The following NAA50 variants were observed in gnomAD, a reference collection of about 807,000 sequenced individuals.
NAA50 encodes the protein N-alpha-acetyltransferase 50, NatE catalytic subunit, also known as N-alpha-acetyltransferase 50.
NAA50 carries 7 observed loss-of-function variants against 20.7 expected under a neutral mutation model. That is an observed-to-expected ratio of 0.34 (90% CI 0.19 to 0.63). NAA50 has a LOEUF of 0.63. NAA50 is among the 30% of genes least tolerant of loss of function. The pLI, the probability that NAA50 is intolerant of heterozygous loss-of-function variation, is 0.75. For synonymous variants in NAA50, 54 were observed against 70.6 expected (o/e 0.77, Z 1.18); for missense variants, 111 against 199.1 (o/e 0.56, Z 2.66).
rs570467490 is a variant in NAA50, at chr3:113,739,215, T to C, written c.8+6727A>G. Among the ~76,000 whole-genome samples, 7 of 152,358 alleles carry C rather than the reference T, an allele frequency of 4.6e-5. No homozygotes were observed. In the South Asian group the frequency reaches 1.2e-3, roughly 27 times the overall value. On this transcript the variant is annotated intron_variant, in intron 1 of 4. Transcript: ENST00000240922. Reference sequence around the variant, plus strand: ...TTTCTATCATTTTAATGTATTTAAATGTATTGAACGCATCGCAAAGAAAAT... The same window carrying C: ...TTTCTATCATTTTAATGTATTTAAACGTATTGAACGCATCGCAAAGAAAAT...
chr3:113,735,839 T>A (rs1025769163), intron 1 of NAA50, among the ~76,000 whole-genome samples: 2 of 152,320 alleles, frequency 1.3e-5, no homozygotes, highest in African/African-American at 4.8e-5. Context: ...CCCGCCACCA[T>A]GCCCAGCTAA....
chr3:113,742,180 A>C (rs1012443877), intron 1 of NAA50, among the ~76,000 whole-genome samples: 6 of 152,234 alleles, frequency 3.9e-5, no homozygotes, highest in Non-Finnish European at 8.8e-5. Flanking sequence ...AGGTTTATAA[A>C]AGGTGTCAAA....
At chr3:113,725,108 C>T (rs552027078) in intron 1 of NAA50, among the ~76,000 whole-genome samples, 6 of 152,152 alleles carry the variant, frequency 3.9e-5, no homozygotes, top group Non-Finnish European at 7.3e-5. Flanking sequence ...AAGATTAAAG[C>T]GAAAAATTTT....
At chr3:113,728,499 G>A (rs888249265) in intron 1 of NAA50, among the ~76,000 whole-genome samples, 4 of 152,200 alleles carry the variant, frequency 2.6e-5, no homozygotes, top group Non-Finnish European at 5.9e-5. Flanking sequence ...TTATCCTGTG[G>A]AAGGGCAAGA....
intron 2 of NAA50, 90 bp downstream of exon 2, chr3:113,723,869 T>C: frequency 7.4e-7 from 1 of 1,350,410 alleles, no homozygotes; most frequent in South Asian, 1.8e-5. Flanking sequence ...ACAAACTAAA[T>C]TAGTTAACTT....
chr3:113,719,871 TG>T lies in NAA50; in HGVS notation c.*1888del, dbSNP rs986122326. 6.6e-6 allele frequency: 1 copy of T among 152,652 alleles called. No individual in the cohort carries two copies. The highest frequency in any genetic ancestry group is 2.4e-5 in the African/African-American group (1 of 41,462). The allele number at this position is 152,652 out of a possible 1,614,324, so 9.5% of individuals were successfully genotyped here. A position where few individuals can be genotyped will look rare whatever the true frequency, so the allele number is the denominator to read the frequency against. ...ATATATCAAAGTCTATTTTGATATC[TG>T]GGAAGTTTACAAAAAGGCTGCTGCA... is the stretch of plus-strand genomic sequence containing the variant. On this transcript the variant is annotated 3_prime_UTR_variant, in exon 5 of 5. Transcript: ENST00000240922.
At chr3:113,733,887 AT>A (rs1429221609) in intron 1 of NAA50, among the ~76,000 whole-genome samples, 1 of 151,198 alleles carries the variant, frequency 6.6e-6, no homozygotes, top group Non-Finnish European at 1.5e-5. Context: ...GACAGAAAAA[AT>A]ATTCATATTA....
At chr3:113,744,741 C>T (rs1708466184) in intron 1 of NAA50, among the ~76,000 whole-genome samples, 1 of 152,064 alleles carries the variant, frequency 6.6e-6, no homozygotes, top group African/African-American at 2.4e-5. Flanking sequence ...GAATAAATAT[C>T]CAGTATTTAA....
At chr3:113,737,750 A>C (rs1708363249) in intron 1 of NAA50, among the ~76,000 whole-genome samples, 1 of 152,084 alleles carries the variant, frequency 6.6e-6, no homozygotes, top group African/African-American at 2.4e-5. Context: ...ACTGCAGAAT[A>C]CTCAGCAGCA....
At position 113,722,919 on chromosome 3, in the gene NAA50, C is replaced by T. The variant is rs1437947956; in HGVS notation, c.319G>A (p.Asp107Asn). The part of the protein sequence containing the change: ...LNICEKDGTF[D>N]NIYLHVQISN... ...TATTTTACTTACAGATAAATGTTGT[C>T]AAAAGTACCATCTTTTTCACAGATG... is the stretch of plus-strand genomic sequence containing the variant. Residue 107 changes from aspartate to asparagine, a missense_variant, in exon 4 of 5, where the codon GAC (aspartate) becomes AAC (asparagine). By Grantham distance (23) the Asp-to-Asn change is conservative (BLOSUM62 1). Transcript: ENST00000240922. 1.2e-5 allele frequency: 19 copies of T among 1,536,994 alleles called. No homozygotes were observed. Among genetic ancestry groups the T allele is most frequent in the Admixed American group, 5.7e-5 (3 of 52,920 alleles).
At chr3:113,727,674 G>A (rs528911884) in intron 1 of NAA50, among the ~76,000 whole-genome samples, 19 of 151,294 alleles carry the variant, frequency 1.3e-4, no homozygotes, top group African/African-American at 4.4e-4. Context: ...CGTAGAAAGG[G>A]AAAATATCCT....
chr3:113,721,794 C>T lies in NAA50; in HGVS notation c.476G>A (p.Gly159Asp). The change falls in exon 5 of 5, where the codon GGT becomes GAT. Residue 159 changes from glycine (G) to aspartate (D), a missense_variant. Transcript: ENST00000240922. The stretch of plus-strand genomic sequence containing the variant: ...TGTCTTTTGCACATCTGCATTCTGA[C>T]CAGAAGGAACTTTGAGGTTTTTCTG... ...VLQKNLKVPSGQNADVQKTDN is the reference protein window; with the variant it reads ...VLQKNLKVPSDQNADVQKTDN The T allele has an allele frequency of 6.2e-7, 1 of 1,613,858 alleles. No homozygotes were observed.
chr3:113,739,807 A>T (rs758742123), intron 1 of NAA50, among the ~76,000 whole-genome samples: 2 of 152,202 alleles, frequency 1.3e-5, no homozygotes, highest in Non-Finnish European at 2.9e-5. Flanking sequence ...ATTCTAAGGG[A>T]AAAGATCCTG....
Position 113,736,900 on chromosome 3 carries a change from TTTAG to T in NAA50, c.8+9038_8+9041del, listed in dbSNP as rs571904326. 1.2e-4 allele frequency among the ~76,000 whole-genome samples: 19 copies of T among 152,330 alleles called. No homozygotes were observed. In the South Asian group the frequency reaches 3.9e-3, roughly 32 times the overall value. On this transcript the variant is annotated intron_variant, in intron 1 of 4. Transcript: ENST00000240922. Reference sequence around the variant, plus strand: ...AGAAAGCTTAAAGCCTGTTTATACTTTTAGTGAGTATTAAGAGTACCTTGGCACA... The same window carrying T: ...AGAAAGCTTAAAGCCTGTTTATACTTTGAGTATTAAGAGTACCTTGGCACA...
At chr3:113,741,592 C>G (rs1277304462) in intron 1 of NAA50, among the ~76,000 whole-genome samples, 2 of 152,180 alleles carry the variant, frequency 1.3e-5, no homozygotes, top group Admixed American at 6.5e-5. Context: ...GTAACACTTC[C>G]CACTCTACTG....
chr3:113,737,449 A>G (rs1708358521), intron 1 of NAA50, among the ~76,000 whole-genome samples: 1 of 152,202 alleles, frequency 6.6e-6, no homozygotes. Flanking sequence ...TTCAACACTA[A>G]CTGCTCATGA....
chr3:113,741,095 A>G, intron 1 of NAA50: 1 of 539,600 alleles, frequency 1.9e-6, no homozygotes, highest in Non-Finnish European at 3.6e-6. Flanking sequence ...AATTGTTTTC[A>G]GAAAGTTATG....
At position 113,720,469 on chromosome 3, in the gene NAA50, T is replaced by C. The variant is rs1336180557; in HGVS notation, c.*1291A>G. ...TTATCAATCTGTCAAAGCCACTCCG[T>C]GTGTGCCGGAAAATGATCTGGCATA... is the stretch of plus-strand genomic sequence containing the variant. On this transcript the variant is annotated 3_prime_UTR_variant, in exon 5 of 5. Coordinates refer to ENST00000240922, the MANE Select transcript of NAA50 (RefSeq NM_025146.4). The C allele has an allele frequency of 6.6e-6, 1 of 152,640 alleles. No homozygotes were observed. Among genetic ancestry groups the C allele is most frequent in the Non-Finnish European group, 1.5e-5 (1 of 68,022 alleles). 9.5% of individuals were successfully genotyped at this position (152,640 alleles called of 1,614,324 possible).
At chr3:113,739,243 A>G (rs1708381712) in intron 1 of NAA50, among the ~76,000 whole-genome samples, 1 of 152,248 alleles carries the variant, frequency 6.6e-6, no homozygotes, top group African/African-American at 2.4e-5. Context: ...AAGAAAATTT[A>G]TACCATTCAT....
Sources: gnomAD v4.1 joint callset for allele counts (sites outside exome capture counted in the v4.1 genomes callset) on GRCh38, gnomAD v4.1.1 for gene constraint, MANE v1.5 for transcripts, NCBI Gene and HGNC (gene_info 2026-07-23, HGNC 2026-07-21) for gene names.